CNTN6: variants seen among roughly 807,000 people sequenced by gnomAD.
CNTN6 encodes contactin 6, also known as contactin-6.
In CNTN6, 137 loss-of-function variants were observed where a neutral mutation model predicts 122.8. That is an observed-to-expected ratio of 1.12 (90% confidence interval 0.97 to 1.29). The LOEUF is 1.29. Ranked by LOEUF, CNTN6 falls within the 50% of genes most tolerant of loss-of-function variation. The pLI is 0.00. For missense variants in CNTN6, 1,634 were observed against 1,223.4 expected, an observed-to-expected ratio of 1.34 and a Z score of -5.01; for synonymous variants, 570 against 426.0, an observed-to-expected ratio of 1.34 and a Z score of -4.16.
Position 1,141,621 on chromosome 3 carries a change from A to G in CNTN6, c.-82-6306A>G, listed in dbSNP as rs537372702. Among the ~76,000 whole-genome samples the G allele has an allele frequency of 3.9e-5, 6 of 152,288 alleles. No individual in the cohort carries two copies. The South Asian group carries it at 1.2e-3, about 32-fold the overall frequency. The stretch of plus-strand genomic sequence containing the variant: ...GCAAAAGAGGTAAGAAAAAGGTATA[A>G]TTTGTAATTGACCTGAGGATTTCCA... On this transcript the variant is annotated intron_variant, in intron 1 of 22. Transcript: ENST00000446702.
intron 1 of CNTN6, among the ~76,000 whole-genome samples, chr3:1,139,411 A>G (rs531698691): frequency 2.0e-5 from 3 of 152,210 alleles, no homozygotes; most frequent in East Asian, 1.9e-4. Context: ...AGAGGACAAA[A>G]CTTACTTTTC....
chr3:1,277,118 A>T (rs962694466), intron 4 of CNTN6, among the ~76,000 whole-genome samples: 13 of 152,170 alleles, frequency 8.5e-5, no homozygotes, highest in Non-Finnish European at 1.5e-4. Context: ...GTTTGATAAC[A>T]AGTCTATTAT....
At chr3:1,245,309 T>TAAC (rs1432183311) in intron 4 of CNTN6, among the ~76,000 whole-genome samples, 3 of 14,536 alleles carry the variant, frequency 2.1e-4, no homozygotes, top group African/African-American at 2.8e-4. Context: ...TATATATATA[T>TAAC]ATATATATAT....
At chr3:1,380,993 ACT>A (rs139404944) in intron 17 of CNTN6, among the ~76,000 whole-genome samples, 1 of 151,962 alleles carries the variant, frequency 6.6e-6, no homozygotes, top group Non-Finnish European at 1.5e-5. Flanking sequence ...TAATCATTTG[ACT>A]CTCTGTTGAT....
At chr3:1,134,125 G>A (rs902691796) in intron 1 of CNTN6, among the ~76,000 whole-genome samples, 9 of 152,078 alleles carry the variant, frequency 5.9e-5, no homozygotes, top group South Asian at 2.1e-4. Context: ...ACAAGGCCCC[G>A]ATCGACCATA....
intron 2 of CNTN6, among the ~76,000 whole-genome samples, chr3:1,158,877 C>CAT (rs763636897): frequency 0.21 from 21,977 of 104,178 alleles, 2,533 homozygotes; most frequent in African/African-American, 0.38. Flanking sequence ...CATATATATA[C>CAT]ACATATATAC....
At chr3:1,112,411 C>G (rs1399670318) in intron 1 of CNTN6, among the ~76,000 whole-genome samples, 2 of 152,126 alleles carry the variant, frequency 1.3e-5, no homozygotes, top group African/African-American at 4.8e-5. Context: ...CAAATGCCCC[C>G]AAACCAGGGA....
At chr3:1,237,753 C>T (rs1302079104) in intron 4 of CNTN6, among the ~76,000 whole-genome samples, 1 of 152,082 alleles carries the variant, frequency 6.6e-6, no homozygotes, top group Non-Finnish European at 1.5e-5. Flanking sequence ...TTTTAGCCTC[C>T]TTAAACAAAA....
rs371157438 is a variant in CNTN6, at chr3:1,099,268, G to A, written c.-83+6148G>A. ...AGATCGAGACCATCCTGGCTAACAC[G>A]GTGAAACCCCGTCTCTACCAAAAAT... On this transcript the variant is annotated intron_variant, in intron 1 of 22. Transcript: ENST00000446702. Among the ~76,000 whole-genome samples, 262 of 152,010 alleles carry A rather than the reference G, an allele frequency of 1.7e-3. 7 individuals carry two copies. The South Asian group carries it at 0.022, about 13-fold the overall frequency.
chr3:1,338,556 A>T (rs1357601774), intron 11 of CNTN6, among the ~76,000 whole-genome samples: 1 of 152,176 alleles, frequency 6.6e-6, no homozygotes, highest in Non-Finnish European at 1.5e-5. Flanking sequence ...CTAGCAGTTC[A>T]GCCATTCATT....
intron 8 of CNTN6, among the ~76,000 whole-genome samples, chr3:1,323,289 T>C (rs1701111229): frequency 6.6e-6 from 1 of 151,756 alleles, no homozygotes; most frequent in East Asian, 1.9e-4. Flanking sequence ...CAGATAGTGA[T>C]TGTCAGATTC....
intron 7 of CNTN6, among the ~76,000 whole-genome samples, chr3:1,307,849 A>C (rs569900688): frequency 6.6e-6 from 1 of 152,118 alleles, no homozygotes; most frequent in Non-Finnish European, 1.5e-5. Flanking sequence ...AACAATTTTC[A>C]TTACATATCA....
chr3:1,120,011 G>T (rs547600985), intron 1 of CNTN6, among the ~76,000 whole-genome samples: 1 of 151,974 alleles, frequency 6.6e-6, no homozygotes, highest in Non-Finnish European at 1.5e-5. Context: ...TGGACATTTA[G>T]TTCAGCACAT....
intron 4 of CNTN6, among the ~76,000 whole-genome samples, chr3:1,245,242 A>ATATATATAT (rs1559596163): frequency 2.1e-4 from 3 of 13,966 alleles, no homozygotes; most frequent in African/African-American, 5.5e-4. Flanking sequence ...ATATACACAC[A>ATATATATAT]CACATATATA....
chr3:1,098,363 A>C (rs989217777), intron 1 of CNTN6, among the ~76,000 whole-genome samples: 8 of 152,144 alleles, frequency 5.3e-5, no homozygotes, highest in African/African-American at 1.9e-4. Flanking sequence ...GAAAAACATC[A>C]CAAATACTTG....
chr3:1,297,035 G>A (rs1170918888), intron 6 of CNTN6, among the ~76,000 whole-genome samples: 2 of 152,018 alleles, frequency 1.3e-5, no homozygotes, highest in Non-Finnish European at 2.9e-5. Flanking sequence ...TGTCAAGAAA[G>A]TGAAAAAGAA....
In CNTN6 at chr3:1,244,178, G is replaced by A. The variant is rs2094526607; in HGVS notation, c.358+16185G>A. 2.0e-5 allele frequency among the ~76,000 whole-genome samples: 3 copies of A among 152,166 alleles called. No homozygotes were observed. In the South Asian group the frequency reaches 6.2e-4, roughly 32 times the overall value. The stretch of plus-strand genomic sequence containing the variant: ...GGTGTTTAGGTTTTAGGTCAGGTGT[G>A]TGTTGAAGAGGTTTTAAGTTCTTGA... On this transcript the variant is annotated intron_variant, in intron 4 of 22. Coordinates refer to ENST00000446702, the MANE Select transcript of CNTN6 (RefSeq NM_001289080.2).
At chr3:1,255,120 G>A in intron 4 of CNTN6, among the ~76,000 whole-genome samples, 1 of 152,036 alleles carries the variant, frequency 6.6e-6, no homozygotes, top group East Asian at 1.9e-4. Flanking sequence ...CAAGAGCAAG[G>A]GGATAGAAGG....
intron 1 of CNTN6, among the ~76,000 whole-genome samples, chr3:1,102,526 C>A (rs943225644): frequency 6.6e-6 from 1 of 151,338 alleles, no homozygotes; most frequent in Non-Finnish European, 1.5e-5. Flanking sequence ...GTCAGGAGAT[C>A]GAGACCATCC....
Sources: allele counts gnomAD v4.1 joint callset (sites outside exome capture counted in the v4.1 genomes callset), GRCh38; gene constraint gnomAD v4.1.1; transcripts MANE v1.5; gene names NCBI Gene and HGNC (gene_info 2026-07-23, HGNC 2026-07-21).